CHST5: variants seen among roughly 807,000 people sequenced by gnomAD.
CHST5 encodes carbohydrate sulfotransferase 5, also known as GST4-alpha.
For synonymous variants in CHST5, 313 were observed against 279.2 expected (o/e 1.12, Z -1.21); for missense variants, 637 against 602.1 (o/e 1.06, Z -0.61).
In CHST5 at chr16:75,528,965, A is replaced by C. The variant is rs1039306595; in HGVS notation, c.*184T>G. ...TGAGAAGGCAGCTCCAGAAGACTCA[A>C]AGGAAAACCGAGAATCAGGAGAGAA... On this transcript the variant is annotated 3_prime_UTR_variant, in exon 4 of 4. Transcript: ENST00000336257. 1.6e-6 allele frequency: 1 copy of C among 629,190 alleles called. No individual in the cohort carries two copies. Among genetic ancestry groups the C allele is most frequent in the Non-Finnish European group, 2.6e-6 (1 of 383,480 alleles). The allele number at this position is 629,190 out of a possible 1,614,324, so 39.0% of individuals were successfully genotyped here.
rs1323203562 is a variant in CHST5 at position 75,529,603 on chromosome 16, A to T, written c.782T>A (p.Leu261Gln). ...GCGGCACACCTCGCGAATCAGGCGC[A>T]GGTGAGGGTCGGCCTCCACCCACTT... The part of the protein sequence containing the change: ...NGKWVEADPH[L>Q]RLIREVCRSH... The change falls in exon 4 of 4, where the codon CTG becomes CAG. Residue 261 changes from leucine to glutamine, a missense_variant. Coordinates refer to ENST00000336257, the MANE Select transcript of CHST5 (RefSeq NM_024533.5). The T allele has an allele frequency of 1.2e-6, 2 of 1,610,774 alleles. No homozygotes were observed. The highest frequency in any genetic ancestry group is 1.7e-5 in the Admixed American group (1 of 59,928).
rs2080510619 is a variant in CHST5 at position 75,530,565 on chromosome 16, T to C, written c.-181A>G. Reference sequence around the variant, plus strand: ...GCAGAAGTCCAGTTGCAGAATAATGTGGGATATCATCAAACTGTCTACCTA... The same window carrying C: ...GCAGAAGTCCAGTTGCAGAATAATGCGGGATATCATCAAACTGTCTACCTA... On this transcript the variant is annotated 5_prime_UTR_variant, in exon 4 of 4. Transcript: ENST00000336257. The C allele has an allele frequency of 1.4e-6, 2 of 1,434,520 alleles. No homozygotes were observed. The highest frequency in any genetic ancestry group is 3.0e-5 in the Admixed American group (1 of 32,888). The allele number at this position is 1,434,520 out of a possible 1,614,324, so 88.9% of individuals were successfully genotyped here.
intron 2 of CHST5, among the ~76,000 whole-genome samples, chr16:75,533,966 G>A (rs2080543089): frequency 6.7e-6 from 1 of 148,398 alleles, no homozygotes; most frequent in Admixed American, 6.8e-5. Context: ...TTGAACCCAG[G>A]AGACACAGGT....
At chr16:75,532,468 C>G (rs956610843) in intron 3 of CHST5, among the ~76,000 whole-genome samples, 4 of 152,212 alleles carry the variant, frequency 2.6e-5, no homozygotes, top group East Asian at 3.8e-4. Flanking sequence ...TTGCCTGCCC[C>G]CTTCCCCTGT....
chr16:75,530,587 C>T lies in CHST5; in HGVS notation c.-203G>A. The T allele has an allele frequency of 7.0e-7, 1 of 1,424,448 alleles. No individual in the cohort carries two copies. Among genetic ancestry groups the T allele is most frequent in the Non-Finnish European group, 9.2e-7 (1 of 1,087,836 alleles). 88.2% of individuals were successfully genotyped at this position (1,424,448 alleles called of 1,614,324 possible). A position where few individuals can be genotyped will look rare whatever the true frequency, so the allele number is the denominator to read the frequency against. ...ATGTGGGATATCATCAAACTGTCTA[C>T]CTACCCACCCACCCACCTACTTACA... On this transcript the variant is annotated 5_prime_UTR_variant, in exon 4 of 4. Coordinates refer to ENST00000336257, the MANE Select transcript of CHST5 (RefSeq NM_024533.5).
In CHST5 at chr16:75,528,892, C is replaced by G. The variant is rs1313422167; in HGVS notation, c.*257G>C. On this transcript the variant is annotated 3_prime_UTR_variant, in exon 4 of 4. Transcript: ENST00000336257. The stretch of plus-strand genomic sequence containing the variant: ...TTTAGCAGTAACTTACTCCCTGCGC[C>G]CAGAAGAGGTAGGGGCAAGAGTTGC... 2.3e-6 allele frequency: 1 copy of G among 431,248 alleles called. No individual in the cohort carries two copies. The highest frequency in any genetic ancestry group is 2.0e-5 in the African/African-American group (1 of 49,726). The allele number at this position is 431,248 out of a possible 1,614,324, so 26.7% of individuals were successfully genotyped here. A position where few individuals can be genotyped will look rare whatever the true frequency, so the allele number is the denominator to read the frequency against.
rs533006783 is a variant in CHST5 at position 75,534,179 on chromosome 16, T to C, written c.-1352+948A>G. ...GCCTGGCCAACATGGTGAAACCCCATCGCTAAAATTAGCTGGGCAGAGTGG... is the reference window on the plus strand; with the variant it reads ...GCCTGGCCAACATGGTGAAACCCCACCGCTAAAATTAGCTGGGCAGAGTGG... On this transcript the variant is annotated intron_variant, in intron 2 of 3. Transcript: ENST00000336257. Among the ~76,000 whole-genome samples, 7 of 150,264 alleles carry C rather than the reference T, an allele frequency of 4.7e-5. No homozygotes were observed. The East Asian group carries it at 9.9e-4, about 21-fold the overall frequency.
chr16:75,529,743 C>T lies in CHST5; in HGVS notation c.642G>A (p.Ala214=), dbSNP rs766247065. ...CCAGGTGCACGATGCGCAGGTTGAG[C>T]GCGGGGTCGCTGAGCAGCGGGTAGA... ...QVLYPLLSDP[A]LNLRIVHLVR... The change falls in exon 4 of 4, where the codon GCG becomes GCA. Residue 214 remains alanine, a synonymous_variant. Coordinates refer to ENST00000336257, the MANE Select transcript of CHST5 (RefSeq NM_024533.5). 23 of 1,613,180 alleles carry T rather than the reference C, an allele frequency of 1.4e-5. No homozygotes were observed. The highest frequency in any genetic ancestry group is 1.9e-5 in the Non-Finnish European group (23 of 1,179,812).
chr16:75,535,855 G>A (rs183370915), intron 1 of CHST5, among the ~76,000 whole-genome samples, 189 bp downstream of exon 1: 1 of 152,210 alleles, frequency 6.6e-6, no homozygotes, highest in African/African-American at 2.4e-5. Context: ...AATGAACGTT[G>A]TAACCCTTCC....
In CHST5 at chr16:75,530,255, G is replaced by A; in HGVS notation, c.130C>T (p.Leu44=). Reference sequence around the variant, plus strand: ...CCTGGCCGGGAGATGATGAAGAGCAGGAGGCAGGTGGTCTGTGCCAGGAGG... The same window carrying A: ...CCTGGCCGGGAGATGATGAAGAGCAAGAGGCAGGTGGTCTGTGCCAGGAGG... The part of the protein sequence containing the change: ...VLLLAQTTCL[L]LFIISRPGPS... Residue 44 remains leucine (L), a synonymous_variant, in exon 4 of 4, where the codon CTG becomes TTG. Coordinates refer to ENST00000336257, the MANE Select transcript of CHST5 (RefSeq NM_024533.5). The A allele has an allele frequency of 6.2e-7, 1 of 1,613,490 alleles. No individual in the cohort carries two copies. The highest frequency in any genetic ancestry group is 8.5e-7 in the Non-Finnish European group (1 of 1,179,926).
chr16:75,531,012 T>C lies in CHST5; in HGVS notation c.-628A>G, dbSNP rs2080514932. 1 of 1,001,168 alleles carries C rather than the reference T, an allele frequency of 1.0e-6. No homozygotes were observed. Among genetic ancestry groups the C allele is most frequent in the Admixed American group, 6.1e-5 (1 of 16,386 alleles). 62.0% of individuals were successfully genotyped at this position (1,001,168 alleles called of 1,614,324 possible). ...GGTGTGCTTCTGTATTATATAATTT[T>C]TTTAACAGGCAGGTATAAAACTTTT... On this transcript the variant is annotated 5_prime_UTR_variant, in exon 4 of 4. Transcript: ENST00000336257.
intron 3 of CHST5, 87 bp from the exon 4 acceptor site, chr16:75,531,727 G>C: frequency 2.1e-6 from 2 of 956,402 alleles, no homozygotes; most frequent in Non-Finnish European, 3.0e-6. Flanking sequence ...GAACAGAGCT[G>C]TCCTGCCTGC....
chr16:75,530,707 G>T lies in CHST5; in HGVS notation c.-323C>A, dbSNP rs1044546707. On this transcript the variant is annotated 5_prime_UTR_variant, in exon 4 of 4. Transcript: ENST00000336257. ...GATACCTCTTAGAGAGACCCTTTTA[G>T]GTTGTGGAGCTAAAAGGGCTTGATG... 3 of 1,121,328 alleles carry T rather than the reference G, an allele frequency of 2.7e-6. No homozygotes were observed. The highest frequency in any genetic ancestry group is 9.1e-5 in the Admixed American group (2 of 22,082). The allele number at this position is 1,121,328 out of a possible 1,614,324, so 69.5% of individuals were successfully genotyped here. A position where few individuals can be genotyped will look rare whatever the true frequency, so the allele number is the denominator to read the frequency against.
At position 75,528,702 on chromosome 16, in the gene CHST5, C is replaced by T. The variant is rs1326945648; in HGVS notation, c.*447G>A. On this transcript the variant is annotated 3_prime_UTR_variant, in exon 4 of 4. Transcript: ENST00000336257. Reference sequence around the variant, plus strand: ...AGCTGGGATTACAGGAGTGTGCCACCACGCCGGACTAATTTTTGCATTTTT... The same window carrying T: ...AGCTGGGATTACAGGAGTGTGCCACTACGCCGGACTAATTTTTGCATTTTT... 6.3e-6 allele frequency: 1 copy of T among 159,034 alleles called. No homozygotes were observed. The highest frequency in any genetic ancestry group is 1.4e-5 in the Non-Finnish European group (1 of 72,284). 9.9% of individuals were successfully genotyped at this position (159,034 alleles called of 1,614,324 possible).
chr16:75,533,219 T>C (rs768422827), intron 2 of CHST5, 36 bp from the exon 3 acceptor site: 10 of 702,282 alleles, frequency 1.4e-5, no homozygotes, highest in Non-Finnish European at 2.6e-5. Context: ...CAGTGGACAA[T>C]TGGCCAAGGG....
chr16:75,535,729 C>T (rs2080556674), intron 1 of CHST5, among the ~76,000 whole-genome samples: 1 of 152,162 alleles, frequency 6.6e-6, no homozygotes, highest in East Asian at 1.9e-4. Context: ...CGGGGAGGGG[C>T]GCTGGCCGAG....
In CHST5 at chr16:75,529,266, G is replaced by T; in HGVS notation, c.1119C>A (p.Gly373=). Residue 373 remains glycine, a synonymous_variant, in exon 4 of 4, where the codon GGC becomes GGA. Transcript: ENST00000336257. ...KILRVQEVCA[G]ALQLLGYRPV... ...GCCGGTAGCCCAGCAGCTGCAGCGC[G>T]CCGGCGCACACCTCCTGCACGCGCA... The T allele has an allele frequency of 6.2e-7, 1 of 1,613,088 alleles. No homozygotes were observed.
chr16:75,534,619 T>G (rs1215454178), intron 2 of CHST5, among the ~76,000 whole-genome samples: 1 of 152,110 alleles, frequency 6.6e-6, no homozygotes, highest in Non-Finnish European at 1.5e-5. Flanking sequence ...TCAGCCTGGG[T>G]GACAGAGCGA....
Position 75,529,300 on chromosome 16 carries a change from G to A in CHST5, c.1085C>T (p.Thr362Ile), listed in dbSNP as rs2080489253. The change falls in exon 4 of 4, where the codon ACT becomes ATT. Residue 362 changes from threonine to isoleucine, a missense_variant. Thr to Ile is a moderately conservative substitution (Grantham distance 89, BLOSUM62 -1). Transcript: ENST00000336257. The stretch of plus-strand genomic sequence containing the variant: ...CACCTCCTGCACGCGCAGGATCTTA[G>A]TGAAGGGCAACGCGTGGCGCCAGGC... Reference protein sequence around the residue: ...SQAWRHALPFTKILRVQEVCA... With the variant: ...SQAWRHALPFIKILRVQEVCA... 1.2e-6 allele frequency: 2 copies of A among 1,613,104 alleles called. No individual in the cohort carries two copies. Among genetic ancestry groups the A allele is most frequent in the Admixed American group, 1.7e-5 (1 of 59,996 alleles).
Sources: gnomAD v4.1 joint callset for allele counts (sites outside exome capture counted in the v4.1 genomes callset) on GRCh38, gnomAD v4.1.1 for gene constraint, MANE v1.5 for transcripts, NCBI Gene and HGNC (gene_info 2026-07-23, HGNC 2026-07-21) for gene names.